Variants in SAMD5 observed in about 807,000 individuals in gnomAD.
SAMD5 encodes the protein sterile alpha motif domain-containing protein 5.
SAMD5 carries 13 observed loss-of-function variants against 11.3 expected under a neutral mutation model. That is an observed-to-expected ratio of 1.15 (90% CI 0.75 to 1.83). The LOEUF (loss-of-function observed/expected upper bound fraction) is 1.83. Ranked by LOEUF, SAMD5 falls within the 40% of genes most tolerant of loss-of-function variation. The pLI is 0.00. For synonymous variants in SAMD5, 129 were observed against 111.3 expected, an observed-to-expected ratio of 1.16 and a Z score of -1.00; for missense variants, 255 against 239.1, an observed-to-expected ratio of 1.07 and a Z score of -0.44.
At chr6:147,640,625 A>G (rs1220400922) in intron 1 of SAMD5, among the ~76,000 whole-genome samples, 1 of 152,066 alleles carries the variant, frequency 6.6e-6, no homozygotes, top group Non-Finnish European at 1.5e-5. Context: ...CACATATTGA[A>G]GAAGGACATA....
At chr6:147,953,823 G>T in the SAMD5 span, 1 of 152,288 alleles carries the variant, frequency 6.6e-6, no homozygotes, top group Non-Finnish European at 1.5e-5. Flanking sequence ...AAGTTTAAGT[G>T]CAGTACATTT....
At chr6:147,651,684 T>C (rs1054497613) in intron 1 of SAMD5, among the ~76,000 whole-genome samples, 6 of 152,222 alleles carry the variant, frequency 3.9e-5, no homozygotes, top group African/African-American at 1.4e-4. Context: ...GAGAAATATA[T>C]TTCTGTTGTT....
In SAMD5 at chr6:147,649,514, G is replaced by A. The variant is rs574750592; in HGVS notation, c.163-87803G>A. On this transcript the variant is annotated intron_variant, in intron 1 of 1. Coordinates refer to the SAMD5 transcript ENST00000566741. ...CAGTTAATAAAAGTATAAACAAGCTGGGCATAGTGGCTCACACCTCTAATC... is the reference window on the plus strand; with the variant it reads ...CAGTTAATAAAAGTATAAACAAGCTAGGCATAGTGGCTCACACCTCTAATC... Among the ~76,000 whole-genome samples, 57 of 152,294 alleles carry A rather than the reference G, an allele frequency of 3.7e-4. No individual in the cohort carries two copies. In the South Asian group the frequency reaches 0.012, roughly 31 times the overall value.
chr6:147,693,455 T>C (rs780277568), intron 1 of SAMD5, among the ~76,000 whole-genome samples: 1 of 152,204 alleles, frequency 6.6e-6, no homozygotes, highest in African/African-American at 2.4e-5. Context: ...CGTCCTGCCC[T>C]GGGGCAATAA....
At chr6:147,753,540 A>G in the SAMD5 span, among the ~76,000 whole-genome samples, 2 of 152,172 alleles carry the variant, frequency 1.3e-5, no homozygotes, top group Admixed American at 1.3e-4. Flanking sequence ...CCCCTCAAGT[A>G]TTTATCCTTT....
chr6:147,543,873 T>G (rs1788644164), intron 1 of SAMD5, among the ~76,000 whole-genome samples: 1 of 151,778 alleles, frequency 6.6e-6, no homozygotes, highest in South Asian at 2.1e-4. Context: ...CTCAGGAGAG[T>G]GTAAAAGACA....
At chr6:147,887,147 A>G in the SAMD5 span, among the ~76,000 whole-genome samples, 4 of 152,236 alleles carry the variant, frequency 2.6e-5, no homozygotes, top group Non-Finnish European at 5.9e-5. Context: ...TACTTTTTAT[A>G]ACATTTAAGG....
chr6:147,640,918 T>C (rs1053865726), intron 1 of SAMD5, among the ~76,000 whole-genome samples: 1 of 152,246 alleles, frequency 6.6e-6, no homozygotes, highest in Non-Finnish European at 1.5e-5. Flanking sequence ...TTTAATTTAA[T>C]GTTAGCTTCC....
intron 1 of SAMD5, among the ~76,000 whole-genome samples, chr6:147,703,998 C>A (rs958643207): frequency 6.6e-6 from 1 of 152,144 alleles, no homozygotes; most frequent in Non-Finnish European, 1.5e-5. Context: ...TGGGTTCACG[C>A]CATTCTCCTG....
chr6:147,799,895 C>T, the SAMD5 span, among the ~76,000 whole-genome samples: 54 of 152,264 alleles, frequency 3.5e-4, no homozygotes, highest in Non-Finnish European at 6.2e-4. Flanking sequence ...TCACGTAGTT[C>T]TGGAGCCTTG....
chr6:147,597,839 A>G (rs1023633863), intron 1 of SAMD5, among the ~76,000 whole-genome samples: 2 of 152,158 alleles, frequency 1.3e-5, no homozygotes, highest in East Asian at 3.9e-4. Context: ...AGTAGCTTAC[A>G]GGGTGACTTC....
the SAMD5 span, among the ~76,000 whole-genome samples, chr6:147,796,974 C>G: frequency 1.4e-5 from 2 of 145,520 alleles, no homozygotes; most frequent in Non-Finnish European, 3.0e-5. Flanking sequence ...TGGGCTGAGA[C>G]AATGGGGTTT....
chr6:147,578,178 T>C (rs920761115), intron 1 of SAMD5, among the ~76,000 whole-genome samples: 5 of 152,258 alleles, frequency 3.3e-5, no homozygotes, highest in Admixed American at 2.0e-4. Context: ...TCTCTCTACT[T>C]TATAAATTTT....
chr6:147,686,154 T>C (rs936511101), intron 1 of SAMD5, among the ~76,000 whole-genome samples: 4 of 152,216 alleles, frequency 2.6e-5, no homozygotes, highest in African/African-American at 4.8e-5. Flanking sequence ...TTTTCGTTTT[T>C]TATAGATATA....
At chr6:147,795,359 T>C in the SAMD5 span, among the ~76,000 whole-genome samples, 1 of 141,908 alleles carries the variant, frequency 7.0e-6, no homozygotes, top group African/African-American at 2.8e-5. Flanking sequence ...AATGATGGTT[T>C]CCAATTTCAT....
rs1023856188 is a variant in SAMD5 at position 147,598,058 on chromosome 6, C to T, written c.162+88671C>T. On this transcript the variant is annotated intron_variant, in intron 1 of 1. Coordinates refer to the SAMD5 transcript ENST00000566741. ...ACCACACCACTGATGCAGTGGAGTC[C>T]TGGAGCTGACAAAGTTGCCAGGTAT... Among the ~76,000 whole-genome samples the T allele has an allele frequency of 5.0e-4, 76 of 152,252 alleles. 1 individual carries two copies. Among genetic ancestry groups the T allele is most frequent in the African/African-American group, 1.8e-3 (75 of 41,542 alleles).
chr6:147,700,825 A>G (rs1410680926), intron 1 of SAMD5, among the ~76,000 whole-genome samples: 1 of 152,250 alleles, frequency 6.6e-6, no homozygotes, highest in Non-Finnish European at 1.5e-5. Context: ...GAAGTCACAG[A>G]TTAAATTACG....
the SAMD5 span, among the ~76,000 whole-genome samples, chr6:147,786,821 G>A: frequency 1.3e-5 from 2 of 152,258 alleles, no homozygotes; most frequent in Admixed American, 1.3e-4. Context: ...GTATTTCCTT[G>A]AGCATCAGCT....
Position 147,508,963 on chromosome 6 carries a change from C to A in SAMD5, c.35C>A (p.Ala12Glu), listed in dbSNP as rs1009150609. Residue 12 changes from alanine to glutamate, a missense_variant, in exon 1 of 2, where the codon GCG becomes GAG. Coordinates refer to ENST00000367474, the MANE Select transcript of SAMD5 (RefSeq NM_001030060.3). ...CTNIVYEWLK[A>E]LQLPQYAESF... The stretch of plus-strand genomic sequence containing the variant: ...AACATAGTTTACGAGTGGCTCAAAG[C>A]GCTGCAGCTTCCGCAGTACGCGGAG... 2.5e-6 allele frequency: 4 copies of A among 1,601,556 alleles called. No homozygotes were observed. The highest frequency in any genetic ancestry group is 1.7e-5 in the Admixed American group (1 of 58,010).
Sources: gnomAD v4.1 joint callset for allele counts (sites outside exome capture counted in the v4.1 genomes callset) on GRCh38, gnomAD v4.1.1 for gene constraint, MANE v1.5 for transcripts, NCBI Gene and HGNC (gene_info 2026-07-23, HGNC 2026-07-21) for gene names.